The following TMEM140 variants were observed in gnomAD, a reference collection of about 807,000 sequenced individuals.
TMEM140 encodes transmembrane protein 140.
For synonymous variants in TMEM140, 107 were observed against 106.8 expected, an observed-to-expected ratio of 1.00 and a Z score of -0.01; for missense variants, 236 against 228.5, an observed-to-expected ratio of 1.03 and a Z score of -0.21.
intron 1 of TMEM140, among the ~76,000 whole-genome samples, chr7:135,160,010 T>A (rs1254431619): frequency 6.6e-6 from 1 of 152,236 alleles, no homozygotes; most frequent in Non-Finnish European, 1.5e-5. Context: ...AAAGCATCTA[T>A]GTATAAACTA....
rs377705250 is a variant in TMEM140, at chr7:135,164,502, G to T, written c.61G>T (p.Val21Leu). The T allele has an allele frequency of 6.2e-7, 1 of 1,613,020 alleles. No individual in the cohort carries two copies. Among genetic ancestry groups the T allele is most frequent in the Non-Finnish European group, 8.5e-7 (1 of 1,178,996 alleles). ...GCTGTTCATGAGCATCATAGTCCTC[G>T]TGATTGTGGTCATCTGCCTGATGTT... ...QLLFMSIIVL[V>L]IVVICLMFYA... Residue 21 changes from valine to leucine, a missense_variant, in exon 2 of 2, where the codon GTG (valine) becomes TTG (leucine). Transcript: ENST00000275767.
rs1179649219 is a variant in TMEM140, at chr7:135,165,766, G to A, written c.*767G>A. 1 of 167,104 alleles carries A rather than the reference G, an allele frequency of 6.0e-6. No homozygotes were observed. Among genetic ancestry groups the A allele is most frequent in the African/African-American group, 2.4e-5 (1 of 41,402 alleles). 10.4% of individuals were successfully genotyped at this position (167,104 alleles called of 1,614,324 possible). ...CACTTCCCAACCCAGAACTTGGAAAGACATTAGCACAACTTACGCATTGGG... is the reference window on the plus strand; with the variant it reads ...CACTTCCCAACCCAGAACTTGGAAAAACATTAGCACAACTTACGCATTGGG... On this transcript the variant is annotated 3_prime_UTR_variant, in exon 2 of 2. Coordinates refer to ENST00000275767, the MANE Select transcript of TMEM140 (RefSeq NM_018295.5).
chr7:135,156,812 T>C (rs1010849468), intron 1 of TMEM140, among the ~76,000 whole-genome samples: 1 of 152,194 alleles, frequency 6.6e-6, no homozygotes, highest in Non-Finnish European at 1.5e-5. Context: ...TCAACTTGAA[T>C]TGTAGCTCCC....
In TMEM140 at chr7:135,161,329, G is replaced by A. The variant is rs1585356237; in HGVS notation, c.-24-3089G>A. Among the ~76,000 whole-genome samples, 1 of 152,332 alleles carries A rather than the reference G, an allele frequency of 6.6e-6. No individual in the cohort carries two copies. The highest frequency in any genetic ancestry group is 1.9e-4 in the East Asian group (1 of 5,188). On this transcript the variant is annotated intron_variant, in intron 1 of 1. Coordinates refer to ENST00000275767, the MANE Select transcript of TMEM140 (RefSeq NM_018295.5). The surrounding 1 kb of genome is among the most constrained non-coding windows in gnomAD (Gnocchi z 4.1). The stretch of plus-strand genomic sequence containing the variant: ...AAGGCAGCTGTTTTCAAAGCAAAAC[G>A]TTTAATAATTTTTTTTGGAACCCCA...
intron 1 of TMEM140, among the ~76,000 whole-genome samples, chr7:135,152,190 C>G (rs780540530): frequency 9.9e-5 from 15 of 152,200 alleles, no homozygotes; most frequent in African/African-American, 7.2e-5. Flanking sequence ...TGTTAAGTAA[C>G]TAAGGTCACA....
intron 1 of TMEM140, among the ~76,000 whole-genome samples, chr7:135,162,578 G>C (rs1829971868): frequency 6.6e-6 from 1 of 152,244 alleles, no homozygotes; most frequent in Non-Finnish European, 1.5e-5. Context: ...CAGCAGGCAA[G>C]AGAACATGTG....
intron 1 of TMEM140, among the ~76,000 whole-genome samples, chr7:135,153,788 G>A (rs889235848): frequency 1.3e-5 from 2 of 152,158 alleles, no homozygotes; most frequent in Non-Finnish European, 2.9e-5. Context: ...CAGGGATATT[G>A]GTCTGTGTTT....
At chr7:135,155,483 G>T (rs1829767788) in intron 1 of TMEM140, among the ~76,000 whole-genome samples, 1 of 152,086 alleles carries the variant, frequency 6.6e-6, no homozygotes. Context: ...TTGTATGATT[G>T]TTTTATACAA....
intron 1 of TMEM140, among the ~76,000 whole-genome samples, chr7:135,162,236 T>G (rs1829960445): frequency 6.6e-6 from 1 of 152,180 alleles, no homozygotes; most frequent in Non-Finnish European, 1.5e-5. Flanking sequence ...CCTCAGAAAC[T>G]GATCATCAGG....
chr7:135,154,559 CA>C (rs1173762606), intron 1 of TMEM140, among the ~76,000 whole-genome samples: 3 of 151,920 alleles, frequency 2.0e-5, no homozygotes, highest in African/African-American at 7.3e-5. Context: ...TGTGTTTTTG[CA>C]TTCATTTCAA....
chr7:135,156,584 T>C (rs976554985), intron 1 of TMEM140, among the ~76,000 whole-genome samples: 2 of 152,162 alleles, frequency 1.3e-5, no homozygotes, highest in Non-Finnish European at 2.9e-5. Flanking sequence ...GTCTATCTCC[T>C]TGATAAATTT....
At chr7:135,148,532 A>G (rs1829597440) in intron 1 of TMEM140, among the ~76,000 whole-genome samples, 1 of 152,212 alleles carries the variant, frequency 6.6e-6, no homozygotes, top group African/African-American at 2.4e-5. Context: ...TAAGGCCAGT[A>G]TAACTGGTTA....
intron 1 of TMEM140, among the ~76,000 whole-genome samples, chr7:135,150,541 C>T (rs1325723427): frequency 3.3e-5 from 5 of 152,140 alleles, no homozygotes; most frequent in African/African-American, 1.2e-4. Context: ...ATGCTGACCC[C>T]ACGAGTCGAA....
chr7:135,164,331 A>G, intron 1 of TMEM140, 87 bp from the exon 2 acceptor site: 1 of 1,151,194 alleles, frequency 8.7e-7, no homozygotes, highest in Admixed American at 2.1e-5. Flanking sequence ...TGAGTTTGTA[A>G]GAAATGCCAA....
intron 1 of TMEM140, among the ~76,000 whole-genome samples, chr7:135,159,377 C>T (rs1829873049): frequency 6.6e-6 from 1 of 152,234 alleles, no homozygotes; most frequent in Non-Finnish European, 1.5e-5. Context: ...CTTTCAGCCG[C>T]CATCCCATTC....
chr7:135,156,129 T>G (rs547748548), intron 1 of TMEM140, among the ~76,000 whole-genome samples: 17 of 152,328 alleles, frequency 1.1e-4, no homozygotes, highest in Admixed American at 2.6e-4. Flanking sequence ...CTGATGAGAT[T>G]TGGGATTTCC....
chr7:135,164,866 T>A lies in TMEM140; in HGVS notation c.425T>A (p.Val142Asp). Residue 142 changes from valine (V) to aspartate (D), a missense_variant, in exon 2 of 2, where the codon GTC becomes GAC. Coordinates refer to ENST00000275767, the MANE Select transcript of TMEM140 (RefSeq NM_018295.5). The part of the protein sequence containing the change: ...GLFLSYVWKW[V>D]RLSLPGPGFL... Reference sequence around the variant, plus strand: ...TTCCTCTCCTATGTGTGGAAGTGGGTCAGGCTCTCCCTCCCGGGGCCTGGG... The same window carrying A: ...TTCCTCTCCTATGTGTGGAAGTGGGACAGGCTCTCCCTCCCGGGGCCTGGG... The A allele has an allele frequency of 1.2e-6, 2 of 1,614,166 alleles. No homozygotes were observed. The highest frequency in any genetic ancestry group is 1.7e-6 in the Non-Finnish European group (2 of 1,180,004).
intron 1 of TMEM140, among the ~76,000 whole-genome samples, chr7:135,163,087 A>G (rs1829988219): frequency 6.6e-6 from 1 of 152,222 alleles, no homozygotes. Flanking sequence ...CTTCACTTAT[A>G]ATGGTGAAAA....
chr7:135,159,945 G>A (rs972391064), intron 1 of TMEM140, among the ~76,000 whole-genome samples: 7 of 152,198 alleles, frequency 4.6e-5, no homozygotes, highest in African/African-American at 1.7e-4. Context: ...GGAAACATAA[G>A]TTGATTCACA....
Sources: allele counts gnomAD v4.1 joint callset (sites outside exome capture counted in the v4.1 genomes callset), GRCh38; gene constraint gnomAD v4.1.1; non-coding constraint Gnocchi (gnomAD v3.1); transcripts MANE v1.5; gene names NCBI Gene and HGNC (gene_info 2026-07-23, HGNC 2026-07-21).